CLMN: variants seen among roughly 807,000 people sequenced by gnomAD.
CLMN encodes the protein calmin (calponin-like, transmembrane).
CLMN carries 57 observed loss-of-function variants against 92.7 expected under a neutral mutation model. That is an observed-to-expected ratio of 0.61 (90% CI 0.50 to 0.77). CLMN has a LOEUF of 0.77. Ranked by LOEUF, CLMN falls within the 30% of genes least tolerant of loss-of-function variation. The probability of loss-of-function intolerance (pLI) is 0.00; values close to 1 mark genes in which losing one functional copy is unlikely to be tolerated. For missense variants in CLMN, 1,158 were observed against 1,237.5 expected, an observed-to-expected ratio of 0.94 and a Z score of 0.96; for synonymous variants, 466 against 470.6, an observed-to-expected ratio of 0.99 and a Z score of 0.13.
Position 95,232,234 on chromosome 14 carries a change from G to A in CLMN, c.83-2101C>T, listed in dbSNP as rs139483611. ...CTGAGGCTGCAGCCTCCTCGGCTGT[G>A]AGCTGCCACGCCTCCAGGAAACTTC... On this transcript the variant is annotated intron_variant, in intron 1 of 12. Transcript: ENST00000298912. Among the ~76,000 whole-genome samples the A allele has an allele frequency of 4.9e-3, 744 of 152,368 alleles. 16 individuals carry two copies. Among genetic ancestry groups the A allele is most frequent in the Admixed American group, 0.033 (510 of 15,314 alleles).
chr14:95,225,455 G>A (rs910858996), intron 2 of CLMN, among the ~76,000 whole-genome samples: 2 of 152,338 alleles, frequency 1.3e-5, no homozygotes, highest in East Asian at 3.9e-4. Flanking sequence ...TGCAGGTAGG[G>A]AGCCTGGCAC....
chr14:95,264,008 CTTTATTTATTTA>C (rs34763756), intron 1 of CLMN, among the ~76,000 whole-genome samples: 26,068 of 143,696 alleles, frequency 0.18, 2,965 homozygotes, highest in Non-Finnish European at 0.25. Context: ...CACCTTATTA[CTTTATTTATTTA>C]TTTATTTATT....
intron 1 of CLMN, among the ~76,000 whole-genome samples, chr14:95,288,090 T>C (rs948173200): frequency 6.6e-6 from 1 of 152,220 alleles, no homozygotes; most frequent in Non-Finnish European, 1.5e-5. Flanking sequence ...CACAGCATAG[T>C]GGGGCCTGGA....
At chr14:95,211,376 C>T (rs941109902) in intron 6 of CLMN, among the ~76,000 whole-genome samples, 12 of 152,140 alleles carry the variant, frequency 7.9e-5, no homozygotes, top group African/African-American at 2.9e-4. Context: ...AGAAGAACGG[C>T]CAAGTCATAG....
intron 1 of CLMN, among the ~76,000 whole-genome samples, chr14:95,293,720 G>T (rs1372059903): frequency 1.3e-5 from 2 of 148,252 alleles, no homozygotes; most frequent in Non-Finnish European, 3.0e-5. Context: ...TTGTGAAATG[G>T]AAAAATAAAT....
intron 9 of CLMN, among the ~76,000 whole-genome samples, chr14:95,202,144 A>G (rs147861633): frequency 8.5e-5 from 13 of 152,318 alleles, no homozygotes; most frequent in African/African-American, 3.1e-4. Flanking sequence ...CTGAAATCAG[A>G]TGGAGGAATC....
chr14:95,193,438 A>T, intron 12 of CLMN: 8 of 1,454,188 alleles, frequency 5.5e-6, no homozygotes, highest in Non-Finnish European at 7.4e-6. Context: ...CAGAGAATGG[A>T]CAGGCGTCAG....
Position 95,204,259 on chromosome 14 carries a change from G to A in CLMN, c.1090C>T (p.Leu364=). Reference sequence around the variant, plus strand: ...AGCGCATGGCTGGAAACACCATCCAGGCGGAATTCCTTCATGCTCTCGGGC... The same window carrying A: ...AGCGCATGGCTGGAAACACCATCCAAGCGGAATTCCTTCATGCTCTCGGGC... The part of the protein sequence containing the change: ...DKPESMKEFR[L]DGVSSHALSD... Residue 364 remains leucine (L), a synonymous_variant, in exon 9 of 13, where the codon CTG becomes TTG. Coordinates refer to ENST00000298912, the MANE Select transcript of CLMN (RefSeq NM_024734.4). 1.9e-6 allele frequency: 3 copies of A among 1,614,114 alleles called. No individual in the cohort carries two copies. Among genetic ancestry groups the A allele is most frequent in the Non-Finnish European group, 2.5e-6 (3 of 1,180,012 alleles).
chr14:95,282,924 A>G (rs1425584052), intron 1 of CLMN, among the ~76,000 whole-genome samples: 1 of 152,248 alleles, frequency 6.6e-6, no homozygotes, highest in Non-Finnish European at 1.5e-5. Context: ...CACTCTTTTT[A>G]TACACAGAAG....
chr14:95,202,879 G>C lies in CLMN; in HGVS notation c.2470C>G (p.Gln824Glu), dbSNP rs1452013517. The stretch of plus-strand genomic sequence containing the variant: ...GGGTCATTCTCTTTGGTCTCCCTTT[G>C]CTGGTGGTCCTCATGGGGGGCCAGT... ...APLAPHEDHQQRETKENDPMD... is the reference protein window; with the variant it reads ...APLAPHEDHQERETKENDPMD... The change falls in exon 9 of 13, where the codon CAA becomes GAA. Residue 824 changes from glutamine to glutamate, a missense_variant. Gln to Glu is a conservative substitution (Grantham distance 29, BLOSUM62 2). Transcript: ENST00000298912. 7 of 1,562,144 alleles carry C rather than the reference G, an allele frequency of 4.5e-6. No individual in the cohort carries two copies. The highest frequency in any genetic ancestry group is 5.2e-6 in the Non-Finnish European group (6 of 1,159,086).
intron 1 of CLMN, among the ~76,000 whole-genome samples, chr14:95,295,983 C>G (rs574911528): frequency 6.6e-6 from 1 of 152,344 alleles, no homozygotes; most frequent in African/African-American, 2.4e-5. Context: ...GTTGGGAGGT[C>G]AGAGCCCAAA....
chr14:95,248,765 A>C (rs1312511741), intron 1 of CLMN, among the ~76,000 whole-genome samples: 1 of 152,212 alleles, frequency 6.6e-6, no homozygotes, highest in Non-Finnish European at 1.5e-5. Flanking sequence ...ATGCCATAAA[A>C]GGGCTTCCCT....
rs747974986 is a variant in CLMN at position 95,204,160 on chromosome 14, C to T, written c.1189G>A (p.Asp397Asn). The change falls in exon 9 of 13, where the codon GAC (aspartate) becomes AAC (asparagine). Residue 397 changes from aspartate to asparagine, a missense_variant. Physicochemically the swap from Asp to Asn is conservative, Grantham distance 23. Coordinates refer to ENST00000298912, the MANE Select transcript of CLMN (RefSeq NM_024734.4). ...GATTCTGGAGATGGCTCACTGATGT[C>T]GCTGGTCTTACCTGGGCCCCCTTGC... The part of the protein sequence containing the change: ...VLQGGPGKTS[D>N]ISEPSPESSI... 2.2e-5 allele frequency: 35 copies of T among 1,613,984 alleles called. No individual in the cohort carries two copies. Among genetic ancestry groups the T allele is most frequent in the South Asian group, 1.1e-4 (10 of 91,062 alleles).
chr14:95,216,545 C>T (rs564034237), intron 4 of CLMN, among the ~76,000 whole-genome samples: 4 of 152,324 alleles, frequency 2.6e-5, no homozygotes, highest in Admixed American at 2.6e-4. Context: ...ATAAACACCA[C>T]CACGCCTGGA....
chr14:95,225,427 T>A (rs985633026), intron 2 of CLMN, among the ~76,000 whole-genome samples: 12 of 152,228 alleles, frequency 7.9e-5, no homozygotes, highest in African/African-American at 2.9e-4. Flanking sequence ...AGGACTGGGC[T>A]GGAATGCAAT....
intron 2 of CLMN, among the ~76,000 whole-genome samples, chr14:95,225,936 T>C (rs780347407): frequency 2.6e-4 from 40 of 152,168 alleles, no homozygotes; most frequent in Admixed American, 9.2e-4. Flanking sequence ...TCTGAAGAAC[T>C]GGCTGGAACT....
chr14:95,274,576 G>A (rs150017987), intron 1 of CLMN, among the ~76,000 whole-genome samples: 124 of 152,284 alleles, frequency 8.1e-4, no homozygotes, highest in Non-Finnish European at 1.0e-4. Context: ...CGTCCCCAAA[G>A]CTCACACCCA....
intron 9 of CLMN, among the ~76,000 whole-genome samples, chr14:95,201,718 T>C (rs1407671899): frequency 1.3e-5 from 2 of 152,210 alleles, no homozygotes; most frequent in African/African-American, 4.8e-5. Context: ...ATATTTGTCC[T>C]AATGATCTCC....
intron 1 of CLMN, among the ~76,000 whole-genome samples, chr14:95,254,609 G>C (rs563043854): frequency 6.6e-6 from 1 of 152,316 alleles, no homozygotes; most frequent in African/African-American, 2.4e-5. Flanking sequence ...GTTATGGGCT[G>C]AACGGTGTTC....
Sources: gnomAD v4.1 joint callset for allele counts (sites outside exome capture counted in the v4.1 genomes callset) on GRCh38, gnomAD v4.1.1 for gene constraint, MANE v1.5 for transcripts, NCBI Gene and HGNC (gene_info 2026-07-23, HGNC 2026-07-21) for gene names.